Variants in ZIM2 observed in about 807,000 individuals in gnomAD.
The protein encoded by ZIM2 is zinc finger protein 656.
ZIM2 carries 14 observed loss-of-function variants against 38.6 expected under a neutral mutation model. The observed-to-expected ratio is 0.36, with a 90% confidence interval of 0.24 to 0.57. The LOEUF is 0.57. ZIM2 is among the 20% of genes least tolerant of loss of function. The pLI is 0.81. For missense variants in ZIM2, 680 were observed against 695.1 expected, an observed-to-expected ratio of 0.98 and a Z score of 0.24; for synonymous variants, 247 against 245.8, an observed-to-expected ratio of 1.00 and a Z score of -0.04.
Position 56,814,969 on chromosome 19 carries a change from GTGTAAT to G in ZIM2, c.490+2771_490+2776del. On this transcript the variant is annotated intron_variant, in intron 9 of 12. Coordinates refer to ENST00000629319, the MANE Select transcript of ZIM2 (RefSeq NM_001387356.1). The surrounding 1 kb of genome is among the most constrained non-coding windows in gnomAD (Gnocchi z 5.8). ...TGGACATTCATACAGCTGCTCTCCA[GTGTAAT>G]CTCTCTGATACTCGCTGATGGAATG... 1 of 1,614,152 alleles carries G rather than the reference GTGTAAT, an allele frequency of 6.2e-7. No individual in the cohort carries two copies. The highest frequency in any genetic ancestry group is 8.5e-7 in the Non-Finnish European group (1 of 1,179,990).
At chr19:56,835,511 C>T (rs1229385377) in intron 2 of ZIM2, among the ~76,000 whole-genome samples, 1 of 152,188 alleles carries the variant, frequency 6.6e-6, no homozygotes, top group African/African-American at 2.4e-5. Context: ...TGTTCTTTAC[C>T]ATCTCAGGGA....
intron 9 of ZIM2, chr19:56,816,289 T>C (rs900622120): frequency 6.2e-6 from 10 of 1,614,000 alleles, no homozygotes; most frequent in Non-Finnish European, 1.7e-6. Context: ...AGATTTCTCA[T>C]ACCCTCTGCC....
At position 56,821,501 on chromosome 19, in the gene ZIM2, A is replaced by G. The variant is rs554743261; in HGVS notation, c.294+150T>C. 29 of 900,778 alleles carry G rather than the reference A, an allele frequency of 3.2e-5. No homozygotes were observed. In the African/African-American group the frequency reaches 4.7e-4, roughly 15 times the overall value. The allele number at this position is 900,778 out of a possible 1,614,324, so 55.8% of individuals were successfully genotyped here. A position where few individuals can be genotyped will look rare whatever the true frequency, so the allele number is the denominator to read the frequency against. Reference sequence around the variant, plus strand: ...AGCAACCTGGGCTACTTGTCACCTAAGGGATGGGCCCGGGCTCCTCCTGGA... The same window carrying G: ...AGCAACCTGGGCTACTTGTCACCTAGGGGATGGGCCCGGGCTCCTCCTGGA... On this transcript the variant is annotated intron_variant, in intron 7 of 12. Coordinates refer to ENST00000629319, the MANE Select transcript of ZIM2 (RefSeq NM_001387356.1).
intron 9 of ZIM2, among the ~76,000 whole-genome samples, chr19:56,806,348 A>G (rs1191575603): frequency 6.6e-6 from 1 of 152,208 alleles, no homozygotes; most frequent in Non-Finnish European, 1.5e-5. Flanking sequence ...TCTTCAATAC[A>G]TGGCTTCCCT....
intron 2 of ZIM2, among the ~76,000 whole-genome samples, chr19:56,834,406 A>T (rs879297038): frequency 1.3e-5 from 2 of 152,146 alleles, no homozygotes; most frequent in Non-Finnish European, 2.9e-5. Flanking sequence ...CTTGGTTCTG[A>T]TTCCGTACTC....
At position 56,821,687 on chromosome 19, in the gene ZIM2, G is replaced by T. The variant is rs139404296; in HGVS notation, c.258C>A (p.Asp86Glu). ...AKTSFEMDRE[D>E]DRDSRAYESR... The stretch of plus-strand genomic sequence containing the variant: ...ACTCATAAGCCCTGGAGTCCCTGTC[G>T]TCCTCTCTGTCCATTTCAAAGCTTG... Residue 86 changes from aspartate (D) to glutamate (E), a missense_variant, in exon 7 of 13, where the codon GAC becomes GAA. By Grantham distance (45) the Asp-to-Glu change is conservative (BLOSUM62 2). Transcript: ENST00000629319. 1 of 1,614,028 alleles carries T rather than the reference G, an allele frequency of 6.2e-7. No individual in the cohort carries two copies.
At chr19:56,780,789 C>CCA (rs1345220698) in intron 11 of ZIM2, among the ~76,000 whole-genome samples, 1 of 152,134 alleles carries the variant, frequency 6.6e-6, no homozygotes, top group Non-Finnish European at 1.5e-5. Flanking sequence ...CTACGTGATA[C>CCA]CATCAGAAGG....
In ZIM2 at chr19:56,775,328, C is replaced by G. The variant is rs1568559316; in HGVS notation, c.1037G>C (p.Cys346Ser). 1 of 1,614,190 alleles carries G rather than the reference C, an allele frequency of 6.2e-7. No homozygotes were observed. Among genetic ancestry groups the G allele is most frequent in the Non-Finnish European group, 8.5e-7 (1 of 1,180,032 alleles). The part of the protein sequence containing the change: ...DPQEGTAPGI[C>S]TSPQSASQEN... ...TTGGGATGCTGACTGGGGACTCGTA[C>G]ATATTCCAGGAGCAGTGCCTTCCTG... The change falls in exon 13 of 13, where the codon TGT becomes TCT. Residue 346 changes from cysteine (C) to serine (S), a missense_variant. Coordinates refer to ENST00000629319, the MANE Select transcript of ZIM2 (RefSeq NM_001387356.1).
In ZIM2 at chr19:56,814,891, A is replaced by T. The variant is rs1182240826; in HGVS notation, c.490+2855T>A. On this transcript the variant is annotated intron_variant, in intron 9 of 12. Transcript: ENST00000629319. The surrounding 1 kb of genome is among the most constrained non-coding windows in gnomAD (Gnocchi z 5.8). ...GGAATACAACTGGTCTTGTTCATGG[A>T]TTCTCTGATGCTCGAAAAGGAATGA... 2 of 1,614,042 alleles carry T rather than the reference A, an allele frequency of 1.2e-6. No individual in the cohort carries two copies. The highest frequency in any genetic ancestry group is 1.7e-6 in the Non-Finnish European group (2 of 1,180,030).
intron 8 of ZIM2, among the ~76,000 whole-genome samples, chr19:56,818,163 C>T (rs1268279987): frequency 1.3e-5 from 2 of 152,188 alleles, no homozygotes; most frequent in African/African-American, 4.8e-5. Flanking sequence ...CCTCTTACCT[C>T]GCGACTGCTC....
chr19:56,804,818 C>A (rs941668109), intron 9 of ZIM2, among the ~76,000 whole-genome samples: 2 of 152,200 alleles, frequency 1.3e-5, no homozygotes, highest in African/African-American at 4.8e-5. Context: ...CTTATAGTAA[C>A]CCCGTAACGG....
At position 56,818,610 on chromosome 19, in the gene ZIM2, C is replaced by T. The variant is rs1445970877; in HGVS notation, c.387G>A (p.Leu129=). The change falls in exon 8 of 13, where the codon CTG becomes CTA. Residue 129 remains leucine, a synonymous_variant. Transcript: ENST00000629319. The part of the protein sequence containing the change: ...IQDNMENYRK[L]LSLGVQLAED... ...GAAGCAGCTGCTTACCGAGGGAGAG[C>T]AGCTTCCTGTAGTTTTCCATGTTGT... The T allele has an allele frequency of 1.2e-6, 2 of 1,613,976 alleles. No homozygotes were observed. The highest frequency in any genetic ancestry group is 8.5e-7 in the Non-Finnish European group (1 of 1,180,018).
intron 9 of ZIM2, among the ~76,000 whole-genome samples, chr19:56,805,339 T>C (rs1019008296): frequency 2.6e-5 from 4 of 152,140 alleles, no homozygotes; most frequent in African/African-American, 4.8e-5. Context: ...TCTGGGACCT[T>C]CCACTGGGAA....
At chr19:56,840,226 C>G (rs1413446594) in intron 1 of ZIM2, among the ~76,000 whole-genome samples, 1 of 152,214 alleles carries the variant, frequency 6.6e-6, no homozygotes, top group Non-Finnish European at 1.5e-5. Context: ...GCTGTCTGCC[C>G]TAATGCCCCC....
intron 2 of ZIM2, among the ~76,000 whole-genome samples, chr19:56,829,976 A>G (rs1330729790): frequency 6.6e-6 from 1 of 152,254 alleles, no homozygotes; most frequent in East Asian, 1.9e-4. Context: ...AAAGGTCTAA[A>G]GGCTTGCCTG....
At chr19:56,811,950 C>A (rs963052932) in intron 9 of ZIM2, 2 of 985,278 alleles carry the variant, frequency 2.0e-6, no homozygotes, top group Non-Finnish European at 1.2e-6. Context: ...CTGCTTCTTG[C>A]TCTCAGCTCT....
chr19:56,837,177 A>G (rs1299886674), intron 1 of ZIM2, among the ~76,000 whole-genome samples: 1 of 152,070 alleles, frequency 6.6e-6, no homozygotes, highest in Non-Finnish European at 1.5e-5. Flanking sequence ...AAGCTTTGGA[A>G]GCTGGGCAGC....
Position 56,775,065 on chromosome 19 carries a change from C to T in ZIM2, c.1300G>A (p.Val434Ile), listed in dbSNP as rs747182320. The change falls in exon 13 of 13, where the codon GTA becomes ATA. Residue 434 changes from valine (V) to isoleucine (I), a missense_variant. Val to Ile is a conservative substitution (Grantham distance 29, BLOSUM62 3). Transcript: ENST00000629319. The part of the protein sequence containing the change: ...SVQCANLCER[V>I]RIHSQEDYFE... ...TAGTCCTCCTGACTGTGAATTCTTA[C>T]ACGTTCACAGAGATTCGCACACTGG... 6.2e-7 allele frequency: 1 copy of T among 1,614,026 alleles called. No homozygotes were observed. Among genetic ancestry groups the T allele is most frequent in the Non-Finnish European group, 8.5e-7 (1 of 1,180,050 alleles).
intron 9 of ZIM2, chr19:56,811,097 T>C (rs2059511310): frequency 1.0e-6 from 1 of 984,870 alleles, no homozygotes; most frequent in Non-Finnish European, 1.2e-6. Flanking sequence ...GGTGGGGATA[T>C]GATTTTTTTT....
Sources: allele counts gnomAD v4.1 joint callset (sites outside exome capture counted in the v4.1 genomes callset), GRCh38; gene constraint gnomAD v4.1.1; non-coding constraint Gnocchi (gnomAD v3.1); transcripts MANE v1.5; gene names NCBI Gene and HGNC (gene_info 2026-07-23, HGNC 2026-07-21).